TPCN1: variants seen among roughly 807,000 people sequenced by gnomAD.
The protein encoded by TPCN1 is two pore channel protein 1.
Under a neutral mutation model 108.8 loss-of-function variants are expected in TPCN1, and 52 were observed. The observed-to-expected ratio is 0.48, with a 90% CI of 0.38 to 0.60. TPCN1 has a LOEUF of 0.60. TPCN1 is among the 20% of genes least tolerant of loss of function. The pLI, the probability that TPCN1 is intolerant of heterozygous loss-of-function variation, is 0.00. For missense variants in TPCN1, 806 were observed against 1,072.8 expected (o/e 0.75, Z 3.47); for synonymous variants, 446 against 433.7 (o/e 1.03, Z -0.35).
rs199953472 is a variant in TPCN1 at position 113,276,896 on chromosome 12, G to T, written c.943-23G>T. The T allele has an allele frequency of 7.4e-5, 115 of 1,558,444 alleles. 1 individual carries two copies. The Admixed American group carries it at 1.9e-3, about 26-fold the overall frequency. On this transcript the variant is annotated intron_variant, in intron 10 of 27. Coordinates refer to ENST00000335509, the MANE Select transcript of TPCN1 (RefSeq NM_017901.6). ...CTAACCACTCAAGGTCCTGAGCTAGGGCTCTGTGCTTCTCTCCCACAGCTT... is the reference window on the plus strand; with the variant it reads ...CTAACCACTCAAGGTCCTGAGCTAGTGCTCTGTGCTTCTCTCCCACAGCTT...
intron 2 of TPCN1, among the ~76,000 whole-genome samples, chr12:113,257,426 G>A (rs1421733268): frequency 6.6e-6 from 1 of 152,036 alleles, no homozygotes; most frequent in Admixed American, 6.5e-5. Flanking sequence ...AGGAAGTGGA[G>A]GTTTTAGTGA....
intron 1 of TPCN1, among the ~76,000 whole-genome samples, chr12:113,222,948 C>T (rs1347138380): frequency 6.6e-6 from 1 of 152,120 alleles, no homozygotes; most frequent in Non-Finnish European, 1.5e-5. Flanking sequence ...GTAATGGATA[C>T]AAGGAAGTTC....
At chr12:113,282,464 T>A (rs1411305139) in intron 15 of TPCN1, among the ~76,000 whole-genome samples, 1 of 151,976 alleles carries the variant, frequency 6.6e-6, no homozygotes, top group Non-Finnish European at 1.5e-5. Context: ...TAATTTTGTT[T>A]TATGGCCGGG....
At chr12:113,246,692 C>CT (rs1954400797) in intron 2 of TPCN1, among the ~76,000 whole-genome samples, 1 of 152,236 alleles carries the variant, frequency 6.6e-6, no homozygotes, top group African/African-American at 2.4e-5. Flanking sequence ...TGAGGTCGTC[C>CT]TGTCTTCTCA....
chr12:113,259,757 C>T (rs1954954897), intron 2 of TPCN1, among the ~76,000 whole-genome samples: 1 of 152,172 alleles, frequency 6.6e-6, no homozygotes, highest in South Asian at 2.1e-4. Flanking sequence ...GCCCAGGTCA[C>T]CTGCCTGGGA....
In TPCN1 at chr12:113,296,192, A is replaced by C; in HGVS notation, c.*116A>C. 1 of 1,434,148 alleles carries C rather than the reference A, an allele frequency of 7.0e-7. No homozygotes were observed. The highest frequency in any genetic ancestry group is 9.3e-7 in the Non-Finnish European group (1 of 1,072,794). The allele number at this position is 1,434,148 out of a possible 1,614,324, so 88.8% of individuals were successfully genotyped here. A position where few individuals can be genotyped will look rare whatever the true frequency, so the allele number is the denominator to read the frequency against. Reference sequence around the variant, plus strand: ...CACGTATATGCACATATTTATATACAGGAAGAAAAAAGACAGACAAGATGG... The same window carrying C: ...CACGTATATGCACATATTTATATACCGGAAGAAAAAAGACAGACAAGATGG... On this transcript the variant is annotated 3_prime_UTR_variant, in exon 28 of 28. Transcript: ENST00000335509.
chr12:113,271,442 G>T (rs986647741), intron 7 of TPCN1, among the ~76,000 whole-genome samples: 1 of 152,124 alleles, frequency 6.6e-6, no homozygotes, highest in Non-Finnish European at 1.5e-5. Context: ...TCCCATGCAC[G>T]TCTTTATATT....
chr12:113,255,390 T>A (rs1046514221), intron 2 of TPCN1, among the ~76,000 whole-genome samples: 1 of 152,150 alleles, frequency 6.6e-6, no homozygotes, highest in African/African-American at 2.4e-5. Flanking sequence ...TAAGAAAATT[T>A]AAAAAGATCA....
At chr12:113,275,619 C>A (rs1218258116) in intron 10 of TPCN1, among the ~76,000 whole-genome samples, 1 of 150,600 alleles carries the variant, frequency 6.6e-6, no homozygotes, top group Non-Finnish European at 1.5e-5. Flanking sequence ...GTTGCCCAGG[C>A]TGTAGTGCAG....
At chr12:113,279,374 TATATATATATATATA>T (rs1955797351) in intron 14 of TPCN1, among the ~76,000 whole-genome samples, 39 of 28,840 alleles carry the variant, frequency 1.4e-3, no homozygotes, top group South Asian at 2.2e-3. Context: ...TATATATATA[TATATATATATATATA>T]TATTTTTTTT....
chr12:113,229,744 G>A (rs1566134202), intron 2 of TPCN1, among the ~76,000 whole-genome samples: 1 of 152,008 alleles, frequency 6.6e-6, no homozygotes, highest in Non-Finnish European at 1.5e-5. Context: ...CACCTGCCTC[G>A]GCCTCCCAAA....
At position 113,287,214 on chromosome 12, in the gene TPCN1, G is replaced by A; in HGVS notation, c.1634+120G>A. ...AGGTTCACAAGCCAGAGTCACAGAT[G>A]TCACCCCCTGGAGAATCACCATGGG... On this transcript the variant is annotated intron_variant, in intron 19 of 27. Transcript: ENST00000335509. 4 of 796,926 alleles carry A rather than the reference G, an allele frequency of 5.0e-6. No individual in the cohort carries two copies. The South Asian group carries it at 6.5e-5, about 13-fold the overall frequency. 49.4% of individuals were successfully genotyped at this position (796,926 alleles called of 1,614,324 possible).
intron 17 of TPCN1, 56 bp from the exon 18 acceptor site, chr12:113,285,833 C>G (rs943973872): frequency 4.7e-6 from 7 of 1,488,880 alleles, no homozygotes; most frequent in Non-Finnish European, 6.6e-6. Context: ...AAGAGGAGAC[C>G]GAGCATGGGG....
chr12:113,226,765 C>G lies in TPCN1; in HGVS notation c.-88C>G, dbSNP rs1388109243. 1 of 1,593,060 alleles carries G rather than the reference C, an allele frequency of 6.3e-7. No homozygotes were observed. On this transcript the variant is annotated 5_prime_UTR_variant, in exon 2 of 28. Coordinates refer to ENST00000335509, the MANE Select transcript of TPCN1 (RefSeq NM_017901.6). ...ATGGAGGAGTTTCTGAGCAGCACCC[C>G]TGGCCCAGTGGCTTTGAAAGGGAGC...
Position 113,266,416 on chromosome 12 carries a change from G to A in TPCN1, c.414+60G>A, listed in dbSNP as rs1955264289. Reference sequence around the variant, plus strand: ...AGCCACGGCTTTCAGGGCAAGCGATGGAACTCCAAAAAGGAACATTCTGGG... The same window carrying A: ...AGCCACGGCTTTCAGGGCAAGCGATAGAACTCCAAAAAGGAACATTCTGGG... On this transcript the variant is annotated intron_variant, in intron 4 of 27. Coordinates refer to ENST00000335509, the MANE Select transcript of TPCN1 (RefSeq NM_017901.6). The surrounding 1 kb of genome is among the most constrained non-coding windows in gnomAD (Gnocchi z 4.2). 6.3e-7 allele frequency: 1 copy of A among 1,578,358 alleles called. No individual in the cohort carries two copies. The highest frequency in any genetic ancestry group is 1.1e-5 in the South Asian group (1 of 89,188).
chr12:113,229,128 C>T (rs1005070856), intron 2 of TPCN1, among the ~76,000 whole-genome samples: 1 of 152,210 alleles, frequency 6.6e-6, no homozygotes, highest in Non-Finnish European at 1.5e-5. Context: ...CTTGGCTAGG[C>T]CACTAGCAAG....
chr12:113,236,963 CA>C (rs1326495619), intron 2 of TPCN1, among the ~76,000 whole-genome samples: 1 of 152,180 alleles, frequency 6.6e-6, no homozygotes, highest in Non-Finnish European at 1.5e-5. Context: ...TAATTAGGGT[CA>C]GGGGTCAGAG....
chr12:113,267,908 C>G lies in TPCN1; in HGVS notation c.480C>G (p.Arg160=), dbSNP rs1346515636. The change falls in exon 5 of 28, where the codon CGC becomes CGG. Residue 160 remains arginine (R), a synonymous_variant. Transcript: ENST00000335509. ...VVVFELCMKL[R]WLGLHTFIRH... ...TGTTTGAACTCTGCATGAAGTTACG[C>G]TGGCTGGGCCTCCACACCTTCATCC... The G allele has an allele frequency of 6.2e-7, 1 of 1,614,132 alleles. No homozygotes were observed. The highest frequency in any genetic ancestry group is 8.5e-7 in the Non-Finnish European group (1 of 1,180,000).
chr12:113,278,841 T>C lies in TPCN1; in HGVS notation c.1297+6T>C. 2 of 1,613,664 alleles carry C rather than the reference T, an allele frequency of 1.2e-6. No homozygotes were observed. Among genetic ancestry groups the C allele is most frequent in the South Asian group, 2.2e-5 (2 of 91,060 alleles). On this transcript the variant is annotated splice_donor_region_variant and intron_variant, in intron 14 of 27. Coordinates refer to ENST00000335509, the MANE Select transcript of TPCN1 (RefSeq NM_017901.6). The stretch of plus-strand genomic sequence containing the variant: ...GGCGCTCCTCATCTTCAAAGGTAAG[T>C]GGGCTTGAGTATGGCAGGTGTTGGC...
Sources: gnomAD v4.1 joint callset for allele counts (sites outside exome capture counted in the v4.1 genomes callset) on GRCh38, gnomAD v4.1.1 for gene constraint, Gnocchi (gnomAD v3.1) non-coding constraint, MANE v1.5 for transcripts, NCBI Gene and HGNC (gene_info 2026-07-23, HGNC 2026-07-21) for gene names.